TENM2: variants seen among roughly 807,000 people sequenced by gnomAD.
TENM2 encodes the protein teneurin transmembrane protein 2, also known as teneurin-2.
A neutral mutation model predicts 245.2 loss-of-function variants in TENM2; 52 were observed. The ratio of observed to expected loss-of-function variants is 0.21; its 90% CI spans 0.17 to 0.27. TENM2 has a LOEUF of 0.27. TENM2 is among the 10% of genes least tolerant of loss of function. The probability of loss-of-function intolerance (pLI) is 1.00; values close to 1 mark genes in which losing one functional copy is unlikely to be tolerated. For synonymous variants in TENM2, 1,363 were observed against 1,438.9 expected (o/e 0.95, Z 1.19); for missense variants, 3,046 against 3,666.8 (o/e 0.83, Z 4.37).
At chr5:167,741,240 A>G (rs1222334853) in intron 2 of TENM2, among the ~76,000 whole-genome samples, 2 of 152,098 alleles carry the variant, frequency 1.3e-5, no homozygotes, top group African/African-American at 4.8e-5. Context: ...AGACTTTGGC[A>G]CTTTATGTTG....
At chr5:167,051,377 G>A in the TENM2 span, among the ~76,000 whole-genome samples, 2 of 151,852 alleles carry the variant, frequency 1.3e-5, no homozygotes, top group East Asian at 1.9e-4. Context: ...TTTTTTTAAG[G>A]TGTGATTTTC....
chr5:167,222,585 G>A, the TENM2 span, among the ~76,000 whole-genome samples: 3 of 149,386 alleles, frequency 2.0e-5, no homozygotes, highest in Admixed American at 6.7e-5. Flanking sequence ...AGATTAATCA[G>A]TGTCTGGAAA....
chr5:168,059,407 C>T (rs149885413), intron 6 of TENM2, among the ~76,000 whole-genome samples: 43 of 152,266 alleles, frequency 2.8e-4, no homozygotes, highest in African/African-American at 1.0e-3. Context: ...GAAAGCCCAA[C>T]AGACATAAAG....
intron 7 of TENM2, among the ~76,000 whole-genome samples, chr5:168,074,575 C>T (rs941924241): frequency 5.5e-5 from 8 of 145,752 alleles, no homozygotes; most frequent in Admixed American, 1.4e-4. Flanking sequence ...GGCCGTCCAC[C>T]GTAGGTGTTC....
intron 2 of TENM2, among the ~76,000 whole-genome samples, chr5:167,578,677 T>C (rs1774877082): frequency 6.6e-6 from 1 of 152,216 alleles, no homozygotes; most frequent in Non-Finnish European, 1.5e-5. Context: ...GGTTTTCATC[T>C]CTCTAAAAAC....
chr5:168,239,187 A>AC (rs1415930035), intron 25 of TENM2, among the ~76,000 whole-genome samples: 3 of 151,938 alleles, frequency 2.0e-5, no homozygotes, highest in South Asian at 4.2e-4. Flanking sequence ...CAGCCGGGGC[A>AC]CCCCCCTTTA....
In TENM2 at chr5:167,828,124, A is replaced by G. The variant is rs554195800; in HGVS notation, c.503-47862A>G. Among the ~76,000 whole-genome samples, 13 of 152,354 alleles carry G rather than the reference A, an allele frequency of 8.5e-5. No individual in the cohort carries two copies. The South Asian group carries it at 2.5e-3, about 29-fold the overall frequency. ...TTAAATACTATCTAATTTAATCCTC[A>G]GGAAAGCCTTACAGATTAGATCCCA... On this transcript the variant is annotated intron_variant, in intron 2 of 28. Coordinates refer to ENST00000518659, the Ensembl canonical transcript of TENM2.
At chr5:167,118,310 G>A in the TENM2 span, among the ~76,000 whole-genome samples, 8 of 152,098 alleles carry the variant, frequency 5.3e-5, no homozygotes, top group African/African-American at 1.2e-4. Flanking sequence ...TCTTAGAGAC[G>A]GACTTAGAGA....
At chr5:168,095,940 C>A (rs1266343440) in intron 8 of TENM2, among the ~76,000 whole-genome samples, 1 of 152,162 alleles carries the variant, frequency 6.6e-6, no homozygotes, top group Admixed American at 6.5e-5. Flanking sequence ...CACCTCAGGG[C>A]CTCCCTCAGG....
chr5:168,058,926 A>C (rs1455744546), intron 6 of TENM2, among the ~76,000 whole-genome samples: 2 of 152,206 alleles, frequency 1.3e-5, no homozygotes, highest in Admixed American at 6.5e-5. Flanking sequence ...TTTACAAAAA[A>C]AAAGGACTGG....
At chr5:167,359,728 T>C (rs1286175114) in intron 1 of TENM2, among the ~76,000 whole-genome samples, 6 of 152,172 alleles carry the variant, frequency 3.9e-5, no homozygotes, top group Admixed American at 3.9e-4. Context: ...TTAGTCCATA[T>C]TGAGTTGATT....
At chr5:167,213,303 A>G in the TENM2 span, among the ~76,000 whole-genome samples, 1 of 152,174 alleles carries the variant, frequency 6.6e-6, no homozygotes, top group Non-Finnish European at 1.5e-5. Flanking sequence ...AAAAACATAA[A>G]TTTTCCTTGC....
At chr5:167,770,372 G>A (rs1200853857) in intron 2 of TENM2, among the ~76,000 whole-genome samples, 2 of 152,162 alleles carry the variant, frequency 1.3e-5, no homozygotes, top group African/African-American at 4.8e-5. Flanking sequence ...GTTACGGATG[G>A]CTGCAGCCAA....
intron 12 of TENM2, among the ~76,000 whole-genome samples, chr5:168,138,466 C>T (rs1250822138): frequency 2.6e-5 from 4 of 152,220 alleles, no homozygotes; most frequent in Non-Finnish European, 5.9e-5. Flanking sequence ...AGATAGCAAA[C>T]AACCCAAAAT....
chr5:166,987,364 T>G, the TENM2 span, among the ~76,000 whole-genome samples: 1 of 152,074 alleles, frequency 6.6e-6, no homozygotes, highest in African/African-American at 2.4e-5. Context: ...CTATTGTGTG[T>G]GTGTGTCTGT....
chr5:167,768,924 C>T (rs558221831), intron 2 of TENM2, among the ~76,000 whole-genome samples: 8 of 152,228 alleles, frequency 5.3e-5, no homozygotes, highest in East Asian at 3.9e-4. Flanking sequence ...CTAGAGGGTG[C>T]GGCTCATGGT....
At chr5:167,279,481 CCTTT>C in the TENM2 span, among the ~76,000 whole-genome samples, 15 of 150,390 alleles carry the variant, frequency 1.0e-4, no homozygotes, top group Admixed American at 2.0e-4. Flanking sequence ...TTCCCTTCTT[CCTTT>C]CTTTCTTTCT....
intron 2 of TENM2, among the ~76,000 whole-genome samples, chr5:167,482,966 C>A (rs1044662386): frequency 6.6e-6 from 1 of 152,218 alleles, no homozygotes; most frequent in Non-Finnish European, 1.5e-5. Flanking sequence ...GAAAATCTTT[C>A]TTTCACTACG....
chr5:166,992,063 T>A, the TENM2 span, among the ~76,000 whole-genome samples: 1 of 151,570 alleles, frequency 6.6e-6, no homozygotes, highest in South Asian at 2.1e-4. Context: ...ATTCCAATTT[T>A]TTTTTTTTTT....
Sources: gnomAD v4.1 joint callset for allele counts (sites outside exome capture counted in the v4.1 genomes callset) on GRCh38, gnomAD v4.1.1 for gene constraint, MANE v1.5 for transcripts, NCBI Gene and HGNC (gene_info 2026-07-23, HGNC 2026-07-21) for gene names.